Variants in PADI1 observed in about 807,000 individuals in gnomAD.
The protein encoded by PADI1 is protein-arginine deiminase type-1.
A neutral mutation model predicts 74.8 loss-of-function variants in PADI1; 65 were observed. The observed-to-expected ratio is 0.87, with a 90% CI of 0.71 to 1.07. PADI1 has a LOEUF of 1.07. Ranked by LOEUF, PADI1 falls within the 50% of genes least tolerant of loss-of-function variation. The pLI is 0.00. For missense variants in PADI1, 943 were observed against 854.0 expected, an observed-to-expected ratio of 1.10 and a Z score of -1.30; for synonymous variants, 371 against 336.2, an observed-to-expected ratio of 1.10 and a Z score of -1.13.
intron 2 of PADI1, among the ~76,000 whole-genome samples, chr1:17,222,676 C>T (rs540246800): frequency 6.6e-6 from 1 of 152,302 alleles, no homozygotes; most frequent in Non-Finnish European, 1.5e-5. Flanking sequence ...CAGTATCACA[C>T]ATGTACACGT....
rs867116279 is a variant in PADI1, at chr1:17,209,251, C to T, written c.92+3942C>T. On this transcript the variant is annotated intron_variant, in intron 1 of 15. Transcript: ENST00000375471. Reference sequence around the variant, plus strand: ...TAATTTCCAGCGACCGACAGGCTGCCGGCCCCTGGCTGGACACATTCTCTG... The same window carrying T: ...TAATTTCCAGCGACCGACAGGCTGCTGGCCCCTGGCTGGACACATTCTCTG... 2.6e-5 allele frequency among the ~76,000 whole-genome samples: 4 copies of T among 152,276 alleles called. No homozygotes were observed. In the East Asian group the frequency reaches 5.8e-4, roughly 22 times the overall value.
chr1:17,228,997 C>A lies in PADI1; in HGVS notation c.875C>A (p.Ala292Asp), dbSNP rs1226508882. 4 of 1,594,716 alleles carry A rather than the reference C, an allele frequency of 2.5e-6. No individual in the cohort carries two copies. Among genetic ancestry groups the A allele is most frequent in the Non-Finnish European group, 2.6e-6 (3 of 1,169,546 alleles). ...ACAGACACTGTGGGCTTCCGCATGG[C>A]CCCCTGGATCATGACGCCCAACACT... ...LFTDTVGFRM[A>D]PWIMTPNTQP... Residue 292 changes from alanine to aspartate, a missense_variant, in exon 8 of 16, where the codon GCC becomes GAC. Transcript: ENST00000375471.
At chr1:17,229,942 T>C in intron 8 of PADI1, 143 bp from the exon 9 acceptor site, 2 of 702,804 alleles carry the variant, frequency 2.8e-6, no homozygotes, top group South Asian at 1.9e-5. Flanking sequence ...ATCTTCCCCA[T>C]GCGCCTATGA....
chr1:17,224,848 G>T (rs1340229402), intron 4 of PADI1, among the ~76,000 whole-genome samples: 1 of 152,090 alleles, frequency 6.6e-6, no homozygotes, highest in Non-Finnish European at 1.5e-5. Flanking sequence ...CACCTGAAGA[G>T]TAAGGAGGAG....
chr1:17,206,677 C>CTT (rs144936945), intron 1 of PADI1, among the ~76,000 whole-genome samples: 2 of 120,216 alleles, frequency 1.7e-5, no homozygotes, highest in African/African-American at 7.0e-5. Context: ...TCTTTTTTTT[C>CTT]TTTTTCTTTT....
intron 1 of PADI1, among the ~76,000 whole-genome samples, chr1:17,220,990 G>A (rs1278711812): frequency 2.6e-5 from 4 of 152,230 alleles, no homozygotes; most frequent in Non-Finnish European, 4.4e-5. Flanking sequence ...GTGAGGGGTA[G>A]GGTGGGGGCC....
intron 14 of PADI1, chr1:17,240,372 G>A (rs1157055053): frequency 5.2e-6 from 2 of 381,434 alleles, no homozygotes; most frequent in African/African-American, 4.1e-5. Context: ...GGGACAGTGT[G>A]TTGTGCTGAC....
rs1467236727 is a variant in PADI1 at position 17,225,848 on chromosome 1, T to G, written c.446T>G (p.Ile149Ser). 6.2e-7 allele frequency: 1 copy of G among 1,614,168 alleles called. No homozygotes were observed. Among genetic ancestry groups the G allele is most frequent in the South Asian group, 1.1e-5 (1 of 91,072 alleles). Residue 149 changes from isoleucine (I) to serine (S), a missense_variant, in exon 5 of 16, where the codon ATC becomes AGC. By Grantham distance (142) the Ile-to-Ser change is moderately radical. Coordinates refer to ENST00000375471, the MANE Select transcript of PADI1 (RefSeq NM_013358.3). ...WRWGPEGYGA[I>S]LLVNCDRDNH... Reference sequence around the variant, plus strand: ...TGGGGCCCTGAGGGCTATGGGGCTATCTTGCTGGTGAACTGTGACCGGGAC... The same window carrying G: ...TGGGGCCCTGAGGGCTATGGGGCTAGCTTGCTGGTGAACTGTGACCGGGAC...
rs80240267 is a variant in PADI1, at chr1:17,209,786, C to T, written c.92+4477C>T. On this transcript the variant is annotated intron_variant, in intron 1 of 15. Coordinates refer to ENST00000375471, the MANE Select transcript of PADI1 (RefSeq NM_013358.3). ...TTAGCATCTCTGAGCCTGTTTTCTT[C>T]GGAGTGACATCCCTTATTGTTTGTA... Among the ~76,000 whole-genome samples, 10 of 152,310 alleles carry T rather than the reference C, an allele frequency of 6.6e-5. No homozygotes were observed. In the East Asian group the frequency reaches 1.2e-3, roughly 18 times the overall value.
chr1:17,236,467 C>A (rs1031556099), intron 11 of PADI1, among the ~76,000 whole-genome samples: 4 of 152,142 alleles, frequency 2.6e-5, no homozygotes, highest in East Asian at 3.9e-4. Flanking sequence ...GGAAAAGAGG[C>A]AGTTAGGCCA....
intron 1 of PADI1, among the ~76,000 whole-genome samples, 165 bp from the exon 2 acceptor site, chr1:17,222,125 T>C (rs2072170275): frequency 6.6e-6 from 1 of 152,200 alleles, no homozygotes; most frequent in Non-Finnish European, 1.5e-5. Flanking sequence ...ATGCCCTGGC[T>C]TCCAGATGCT....
intron 6 of PADI1, among the ~76,000 whole-genome samples, chr1:17,228,370 T>C (rs1383537098): frequency 6.6e-6 from 1 of 152,254 alleles, no homozygotes; most frequent in Non-Finnish European, 1.5e-5. Flanking sequence ...TCACCTTTTG[T>C]GCCAGGTGCT....
chr1:17,241,398 C>T (rs1013433664), intron 15 of PADI1, among the ~76,000 whole-genome samples: 8 of 152,250 alleles, frequency 5.3e-5, no homozygotes, highest in Admixed American at 5.2e-4. Flanking sequence ...GGGGATAGAC[C>T]CTCTTTCTTC....
chr1:17,207,254 C>T (rs2071709364), intron 1 of PADI1, among the ~76,000 whole-genome samples: 2 of 152,164 alleles, frequency 1.3e-5, no homozygotes, highest in African/African-American at 4.8e-5. Flanking sequence ...CTTGTCCTCT[C>T]TGGGTTTCAT....
In PADI1 at chr1:17,237,419, G is replaced by A. The variant is rs1447844808; in HGVS notation, c.1419G>A (p.Val473=). ...CGGACTGGCTCTCTGTGGGCCATGT[G>A]GACGAGTTTCTGACCTTTGTGCCTA... The part of the protein sequence containing the change: ...LYSDWLSVGH[V]DEFLTFVPTS... Residue 473 remains valine (V), a synonymous_variant, in exon 12 of 16, where the codon GTG becomes GTA. Transcript: ENST00000375471. 4 of 1,613,522 alleles carry A rather than the reference G, an allele frequency of 2.5e-6. No individual in the cohort carries two copies. Among genetic ancestry groups the A allele is most frequent in the Non-Finnish European group, 3.4e-6 (4 of 1,179,664 alleles).
chr1:17,211,221 T>G (rs1297230255), intron 1 of PADI1, among the ~76,000 whole-genome samples: 1 of 152,068 alleles, frequency 6.6e-6, no homozygotes, highest in Admixed American at 6.5e-5. Context: ...TGTTTTTGTT[T>G]TTTTTTGAGA....
In PADI1 at chr1:17,238,684, T is replaced by C. The variant is rs751778621; in HGVS notation, c.1527T>C (p.Gly509=). Reference sequence around the variant, plus strand: ...TCTTCCAAGAGAAGAAAGAAGAGGGTTATGGGGAGGCAGCCCAGTTTGATG... The same window carrying C: ...TCTTCCAAGAGAAGAAAGAAGAGGGCTATGGGGAGGCAGCCCAGTTTGATG... ...LKLFQEKKEE[G]YGEAAQFDGL... is the part of the protein sequence containing the mutation. The change falls in exon 13 of 16, where the codon GGT becomes GGC. Residue 509 remains glycine, a synonymous_variant. Coordinates refer to ENST00000375471, the MANE Select transcript of PADI1 (RefSeq NM_013358.3). The C allele has an allele frequency of 4.1e-5, 64 of 1,542,798 alleles. No homozygotes were observed. Among genetic ancestry groups the C allele is most frequent in the Non-Finnish European group, 5.5e-5 (63 of 1,136,966 alleles).
In PADI1 at chr1:17,245,648, G is replaced by A. The variant is rs1294022378; in HGVS notation, c.*1405G>A. 4 of 152,260 alleles carry A rather than the reference G, an allele frequency of 2.6e-5. No individual in the cohort carries two copies. The highest frequency in any genetic ancestry group is 3.4e-3 in the Middle Eastern group (1 of 294). 9.4% of individuals were successfully genotyped at this position (152,260 alleles called of 1,614,324 possible). On this transcript the variant is annotated 3_prime_UTR_variant, in exon 16 of 16. Transcript: ENST00000375471. This position sits in a 1 kb window ranked among gnomAD's most constrained non-coding sequence, Gnocchi z 4.1. ...ACTGCTATGGTTAAAGTGGGTGAGC[G>A]GGAACCTGAAAATCCCCTTCTGGAA...
chr1:17,222,964 A>T (rs1350662697), intron 2 of PADI1, among the ~76,000 whole-genome samples: 1 of 92,616 alleles, frequency 1.1e-5, no homozygotes, highest in Non-Finnish European at 2.0e-5. Flanking sequence ...CAGCACCCAA[A>T]TCCTAGACAT....
Sources: allele counts gnomAD v4.1 joint callset (sites outside exome capture counted in the v4.1 genomes callset), GRCh38; gene constraint gnomAD v4.1.1; non-coding constraint Gnocchi (gnomAD v3.1); transcripts MANE v1.5; gene names NCBI Gene and HGNC (gene_info 2026-07-23, HGNC 2026-07-21).